PREX1: variants seen among roughly 807,000 people sequenced by gnomAD.
PREX1 encodes the protein phosphatidylinositol 3,4,5-trisphosphate-dependent Rac exchanger 1 protein.
Under a neutral mutation model 198.3 loss-of-function variants are expected in PREX1, and 41 were observed. The observed-to-expected ratio is 0.21, with a 90% CI of 0.16 to 0.27. PREX1 has a LOEUF of 0.27. PREX1 is among the 10% of genes least tolerant of loss of function. The pLI, the probability that PREX1 is intolerant of heterozygous loss-of-function variation, is 1.00. For missense variants in PREX1, 1,620 were observed against 2,200.7 expected (o/e 0.74, Z 5.28); for synonymous variants, 843 against 887.2 (o/e 0.95, Z 0.89).
chr20:48,750,828 C>T (rs1055138847), intron 1 of PREX1, among the ~76,000 whole-genome samples: 2 of 152,180 alleles, frequency 1.3e-5, no homozygotes, highest in African/African-American at 2.4e-5. Context: ...ACCATAACCC[C>T]CAATCCAACA....
At chr20:48,734,952 T>C (rs1046337934) in intron 3 of PREX1, among the ~76,000 whole-genome samples, 3 of 152,086 alleles carry the variant, frequency 2.0e-5, no homozygotes, top group East Asian at 3.9e-4. Context: ...GTATTTCCTG[T>C]GAACCTGGGC....
At chr20:48,868,854 T>C in the PREX1 span, among the ~76,000 whole-genome samples, 366 of 152,250 alleles carry the variant, frequency 2.4e-3, 14 homozygotes, top group East Asian at 0.063. Context: ...TTTAATTAAA[T>C]AATCTATCCT....
In PREX1 at chr20:48,688,734, C is replaced by G. The variant is rs767067665; in HGVS notation, c.1257G>C (p.Met419Ile). 20 of 1,614,204 alleles carry G rather than the reference C, an allele frequency of 1.2e-5. No homozygotes were observed. Among genetic ancestry groups the G allele is most frequent in the Non-Finnish European group, 1.7e-5 (20 of 1,180,032 alleles). ...TGAGGTTCACCTTCTTGTTCATCATCATGTGGTACAGCTTCTCCCCCTTCT... is the reference window on the plus strand; with the variant it reads ...TGAGGTTCACCTTCTTGTTCATCATGATGTGGTACAGCTTCTCCCCCTTCT... ...IAEKGEKLYHMMMNKKVNLIK... is the reference protein window; with the variant it reads ...IAEKGEKLYHIMMNKKVNLIK... Residue 419 changes from methionine (M) to isoleucine (I), a missense_variant, in exon 10 of 40, where the codon ATG becomes ATC. Physicochemically the swap from Met to Ile is conservative, Grantham distance 10 (BLOSUM62 1). Transcript: ENST00000371941.
intron 1 of PREX1, among the ~76,000 whole-genome samples, chr20:48,823,218 C>T (rs2090494762): frequency 6.6e-6 from 1 of 152,188 alleles, no homozygotes; most frequent in African/African-American, 2.4e-5. Flanking sequence ...GGGAGACCTT[C>T]GAGGAGCTGC....
chr20:48,640,753 C>T (rs1465625587), intron 29 of PREX1, among the ~76,000 whole-genome samples: 3 of 139,718 alleles, frequency 2.1e-5, no homozygotes, highest in Non-Finnish European at 4.8e-5. Context: ...CATGAATGGA[C>T]AGGTAGATGA....
Position 48,679,643 on chromosome 20 carries a change from G to A in PREX1, c.1539+8C>T. 2 of 1,597,118 alleles carry A rather than the reference G, an allele frequency of 1.3e-6. No individual in the cohort carries two copies. Among genetic ancestry groups the A allele is most frequent in the Non-Finnish European group, 1.7e-6 (2 of 1,164,568 alleles). ...TGAGTCAGAGTCACAGGGGCGGAGG[G>A]CCCCTACCTTGGACATGATGTCCTC... On this transcript the variant is annotated splice_region_variant and intron_variant, in intron 12 of 39. Transcript: ENST00000371941.
At chr20:48,871,986 C>G in the PREX1 span, among the ~76,000 whole-genome samples, 1 of 151,806 alleles carries the variant, frequency 6.6e-6, no homozygotes, top group South Asian at 2.1e-4. Flanking sequence ...GGTGAAACCC[C>G]GTCTCTACTA....
chr20:48,799,031 G>A (rs544271619), intron 1 of PREX1, among the ~76,000 whole-genome samples: 2 of 152,096 alleles, frequency 1.3e-5, no homozygotes, highest in Admixed American at 6.5e-5. Context: ...TTACAGGCAC[G>A]CGCCACCACC....
At chr20:48,642,604 G>C in intron 27 of PREX1, 115 bp from the exon 28 acceptor site, 3 of 909,628 alleles carry the variant, frequency 3.3e-6, no homozygotes, top group Non-Finnish European at 5.0e-6. Context: ...CAAGGGATGT[G>C]GAGTCTGAAG....
chr20:48,807,412 C>A (rs1283746330), intron 1 of PREX1, among the ~76,000 whole-genome samples: 1 of 152,166 alleles, frequency 6.6e-6, no homozygotes, highest in Non-Finnish European at 1.5e-5. Flanking sequence ...TAGAGACCAA[C>A]CTCATTCTTT....
intron 25 of PREX1, among the ~76,000 whole-genome samples, 182 bp downstream of exon 25, chr20:48,649,118 A>G (rs561432466): frequency 6.6e-6 from 1 of 152,158 alleles, no homozygotes; most frequent in Non-Finnish European, 1.5e-5. Context: ...GGTTGTCACA[A>G]TCAGGTGAGG....
At chr20:48,656,266 T>G (rs2089542235) in intron 18 of PREX1, among the ~76,000 whole-genome samples, 1 of 151,926 alleles carries the variant, frequency 6.6e-6, no homozygotes, top group African/African-American at 2.4e-5. Flanking sequence ...ACGGGTCTGC[T>G]CCTCCCACCC....
Position 48,634,785 on chromosome 20 carries a change from G to C in PREX1, c.4168-10C>G. The C allele has an allele frequency of 6.2e-7, 1 of 1,613,096 alleles. No individual in the cohort carries two copies. The highest frequency in any genetic ancestry group is 2.2e-5 in the East Asian group (1 of 44,866). ...TGGTCCGTTCCTCCTTCTGCAGGAA[G>C]AAGACAGCGCGGAGGAGTCTCAGAT... On this transcript the variant is annotated splice_polypyrimidine_tract_variant and intron_variant, in intron 32 of 39. Transcript: ENST00000371941.
chr20:48,843,776 T>A, the PREX1 span, among the ~76,000 whole-genome samples: 11 of 152,146 alleles, frequency 7.2e-5, no homozygotes, highest in Non-Finnish European at 1.6e-4. Context: ...GATGCAGATG[T>A]GGATTTCAGA....
intron 1 of PREX1, among the ~76,000 whole-genome samples, chr20:48,823,164 G>A (rs867600941): frequency 2.0e-5 from 3 of 152,106 alleles, no homozygotes; most frequent in South Asian, 2.1e-4. Flanking sequence ...GGTCGGTTCC[G>A]GGCAGACCCT....
chr20:48,798,804 A>G (rs973929495), intron 1 of PREX1, among the ~76,000 whole-genome samples: 5 of 152,232 alleles, frequency 3.3e-5, no homozygotes, highest in African/African-American at 1.2e-4. Context: ...CTAAATTTAG[A>G]AGGAACTGTG....
Position 48,639,914 on chromosome 20 carries a change from T to C in PREX1, c.3776-20A>G, listed in dbSNP as rs772227760. Reference sequence around the variant, plus strand: ...TAAACTCTGGGGCAGGAAAGTGGCATGAGGGCCAGGGAAGGGACGGAGGTA... The same window carrying C: ...TAAACTCTGGGGCAGGAAAGTGGCACGAGGGCCAGGGAAGGGACGGAGGTA... On this transcript the variant is annotated intron_variant, in intron 29 of 39. Transcript: ENST00000371941. 1.8e-5 allele frequency: 29 copies of C among 1,613,054 alleles called. No individual in the cohort carries two copies. Among genetic ancestry groups the C allele is most frequent in the Non-Finnish European group, 2.3e-5 (27 of 1,179,346 alleles).
chr20:48,650,099 G>A lies in PREX1; in HGVS notation c.2925C>T (p.Asn975=), dbSNP rs2089481448. 6.2e-7 allele frequency: 1 copy of A among 1,613,988 alleles called. No homozygotes were observed. The highest frequency in any genetic ancestry group is 1.3e-5 in the African/African-American group (1 of 74,942). The change falls in exon 24 of 40, where the codon AAC becomes AAT. Residue 975 remains asparagine (N), a synonymous_variant. Transcript: ENST00000371941. ...LDFCPTNCHI[N]LMEVSYPKTT... ...TCTTGGGGTAGGACACTTCCATGAGGTTGATGTGGCAATTGGTGGGGCAGA... is the reference window on the plus strand; with the variant it reads ...TCTTGGGGTAGGACACTTCCATGAGATTGATGTGGCAATTGGTGGGGCAGA...
At position 48,632,281 on chromosome 20, in the gene PREX1, G is replaced by C. The variant is rs142955972; in HGVS notation, c.4522C>G (p.Leu1508Val). 38 of 1,614,018 alleles carry C rather than the reference G, an allele frequency of 2.4e-5. No homozygotes were observed. In the African/African-American group the frequency reaches 5.1e-4, roughly 22 times the overall value. The change falls in exon 35 of 40, where the codon CTC (leucine) becomes GTC (valine). Residue 1508 changes from leucine (L) to valine (V), a missense_variant. By Grantham distance (32) the Leu-to-Val change is conservative. Transcript: ENST00000371941. Reference sequence around the variant, plus strand: ...ACGGGGACCCCAGGCGGATACCTGAGTTTGCGGTAATACTGCTGAACTTTC... The same window carrying C: ...ACGGGGACCCCAGGCGGATACCTGACTTTGCGGTAATACTGCTGAACTTTC... ...LEKVQQYYRKLRAFYLERSNL... is the reference protein window; with the variant it reads ...LEKVQQYYRKVRAFYLERSNL...
Sources: gnomAD v4.1 joint callset for allele counts (sites outside exome capture counted in the v4.1 genomes callset) on GRCh38, gnomAD v4.1.1 for gene constraint, MANE v1.5 for transcripts, NCBI Gene and HGNC (gene_info 2026-07-23, HGNC 2026-07-21) for gene names.